PRTG: variants seen among roughly 807,000 people sequenced by gnomAD.
The protein encoded by PRTG is protogenin.
PRTG carries 67 observed loss-of-function variants against 122.5 expected under a neutral mutation model. The observed-to-expected ratio is 0.55, with a 90% confidence interval of 0.45 to 0.67. PRTG has a LOEUF of 0.67. Among genes scored for constraint, PRTG ranks in the 30% least tolerant of loss-of-function variants. The pLI is 0.00. For synonymous variants in PRTG, 554 were observed against 501.1 expected (o/e 1.11, Z -1.41); for missense variants, 1,435 against 1,415.4 (o/e 1.01, Z -0.22).
intron 11 of PRTG, among the ~76,000 whole-genome samples, chr15:55,664,202 C>T (rs1047356735): frequency 1.3e-5 from 2 of 152,164 alleles, no homozygotes; most frequent in African/African-American, 4.8e-5. Context: ...GGTGCAATGG[C>T]GCAATCTCAG....
rs1479433474 is a variant in PRTG, at chr15:55,742,957, C to G, written c.-26G>C. On this transcript the variant is annotated 5_prime_UTR_variant, in exon 1 of 20. Transcript: ENST00000389286. The stretch of plus-strand genomic sequence containing the variant: ...TCAGCGTAGCCGCGCGGGCATGCTC[C>G]CCGGCCGCCCAGAGCCCCTGTCCGT... The G allele has an allele frequency of 1.3e-6, 2 of 1,484,690 alleles. No homozygotes were observed. Among genetic ancestry groups the G allele is most frequent in the East Asian group, 5.8e-5 (2 of 34,458 alleles). 92.0% of individuals were successfully genotyped at this position (1,484,690 alleles called of 1,614,324 possible).
chr15:55,646,255 A>G (rs992249645), intron 11 of PRTG, among the ~76,000 whole-genome samples: 4 of 130,890 alleles, frequency 3.1e-5, no homozygotes, highest in Admixed American at 1.6e-4. Flanking sequence ...CTTGTGATTC[A>G]CCCGCCTTGG....
At chr15:55,662,165 TCTTTCTC>T (rs2059413842) in intron 11 of PRTG, among the ~76,000 whole-genome samples, 1 of 152,246 alleles carries the variant, frequency 6.6e-6, no homozygotes, top group South Asian at 2.1e-4. Flanking sequence ...CTGTCTTTCT[TCTTTCTC>T]CAAAATGATT....
chr15:55,629,036 C>T lies in PRTG; in HGVS notation c.2624-32G>A, dbSNP rs763629432. 3.9e-5 allele frequency: 57 copies of T among 1,456,418 alleles called. No homozygotes were observed. In the Admixed American group the frequency reaches 4.0e-4, roughly 10 times the overall value. The allele number at this position is 1,456,418 out of a possible 1,614,324, so 90.2% of individuals were successfully genotyped here. A position where few individuals can be genotyped will look rare whatever the true frequency, so the allele number is the denominator to read the frequency against. On this transcript the variant is annotated intron_variant, in intron 15 of 19. Transcript: ENST00000389286. Reference sequence around the variant, plus strand: ...ATACATCAATTACAAATTAAGTGAACATTTATCTTTTATTCTTTCACTCAT... The same window carrying T: ...ATACATCAATTACAAATTAAGTGAATATTTATCTTTTATTCTTTCACTCAT...
rs768915299 is a variant in PRTG at position 55,743,081 on chromosome 15, G to A, written c.-150C>T. 26 of 1,289,558 alleles carry A rather than the reference G, an allele frequency of 2.0e-5. No homozygotes were observed. In the East Asian group the frequency reaches 8.1e-4, roughly 40 times the overall value. The allele number at this position is 1,289,558 out of a possible 1,614,324, so 79.9% of individuals were successfully genotyped here. A position where few individuals can be genotyped will look rare whatever the true frequency, so the allele number is the denominator to read the frequency against. ...GCACCGGCGTGGCGAGCGTCTCTGC[G>A]GCGGCGAGGCTGGTGCTCGGACGGC... On this transcript the variant is annotated 5_prime_UTR_variant, in exon 1 of 20. Coordinates refer to ENST00000389286, the MANE Select transcript of PRTG (RefSeq NM_173814.6).
intron 2 of PRTG, among the ~76,000 whole-genome samples, chr15:55,718,586 A>G (rs1218738399): frequency 1.3e-5 from 2 of 151,292 alleles, no homozygotes; most frequent in Non-Finnish European, 2.9e-5. Context: ...GCCCGCCTGC[A>G]CCCACGTGAA....
intron 2 of PRTG, among the ~76,000 whole-genome samples, chr15:55,702,638 A>C (rs945666538): frequency 1.3e-5 from 2 of 152,230 alleles, no homozygotes; most frequent in Admixed American, 1.3e-4. Flanking sequence ...ATAACTAGAA[A>C]TGGATCTATG....
chr15:55,730,649 A>T (rs1412259498), intron 2 of PRTG, among the ~76,000 whole-genome samples: 1 of 151,944 alleles, frequency 6.6e-6, no homozygotes, highest in African/African-American at 2.4e-5. Context: ...AAATACAAAA[A>T]ATCAGCCAGG....
At chr15:55,621,595 C>T (rs745678660) in intron 18 of PRTG, among the ~76,000 whole-genome samples, 5 of 151,870 alleles carry the variant, frequency 3.3e-5, no homozygotes, top group Admixed American at 6.6e-5. Context: ...GGGCCGAGAT[C>T]GCGCCACTGC....
intron 2 of PRTG, among the ~76,000 whole-genome samples, chr15:55,705,043 C>T (rs1022320181): frequency 1.3e-5 from 2 of 152,126 alleles, no homozygotes; most frequent in African/African-American, 4.8e-5. Flanking sequence ...GTTTAATACT[C>T]TGAAAAACCT....
At chr15:55,649,644 G>T (rs944391404) in intron 11 of PRTG, among the ~76,000 whole-genome samples, 1 of 151,950 alleles carries the variant, frequency 6.6e-6, no homozygotes, top group Non-Finnish European at 1.5e-5. Context: ...AATTAGCCAC[G>T]TGTGGTGGTG....
Position 55,638,637 on chromosome 15 carries a change from G to A in PRTG, c.2364C>T (p.Asn788=), listed in dbSNP as rs61729647. The part of the protein sequence containing the change: ...THMLVQGLEP[N]TKYEFAVRLH... ...ATCGAACGGCAAATTCGTATTTGGTGTTTGGTTCTAGACCTTGAACCAACA... is the reference window on the plus strand; with the variant it reads ...ATCGAACGGCAAATTCGTATTTGGTATTTGGTTCTAGACCTTGAACCAACA... The change falls in exon 14 of 20, where the codon AAC becomes AAT. Residue 788 remains asparagine (N), a synonymous_variant. Transcript: ENST00000389286. 7.9e-3 allele frequency: 12,740 copies of A among 1,613,364 alleles called. 812 individuals are homozygous for A. The African/African-American group carries it at 0.15, about 18-fold the overall frequency.
rs1291075123 is a variant in PRTG, at chr15:55,629,367, ATATATATATGTGTGTGTGTG to A, written c.2624-383_2624-364del. 5.2e-3 allele frequency among the ~76,000 whole-genome samples: 676 copies of A among 130,160 alleles called. 5 individuals are homozygous for A. The highest frequency in any genetic ancestry group is 7.3e-3 in the Non-Finnish European group (424 of 58,340). The allele number at this position is 130,160 out of a possible 152,430, so 85.4% of individuals were successfully genotyped here. On this transcript the variant is annotated intron_variant, in intron 15 of 19. Transcript: ENST00000389286. Reference sequence around the variant, plus strand: ...CATTTTTGTTTGGCTTTGTATATATATATATATATGTGTGTGTGTGTGTGTGTGTGTGTGTGTGTGTGTGT... The same window carrying A: ...CATTTTTGTTTGGCTTTGTATATATATGTGTGTGTGTGTGTGTGTGTGTGT...
At chr15:55,721,762 G>C (rs2030835207) in intron 2 of PRTG, among the ~76,000 whole-genome samples, 1 of 152,124 alleles carries the variant, frequency 6.6e-6, no homozygotes, top group Non-Finnish European at 1.5e-5. Flanking sequence ...TCACGGGAGA[G>C]GGAGAAGCAA....
chr15:55,680,001 C>T (rs567688715), intron 6 of PRTG, 53 bp downstream of exon 6: 106 of 1,451,420 alleles, frequency 7.3e-5, no homozygotes, highest in Non-Finnish European at 7.8e-5. Context: ...TGAGATAAAA[C>T]GGCAAATGTT....
intron 1 of PRTG, chr15:55,742,450 G>A (rs1595692221): frequency 4.9e-6 from 1 of 202,714 alleles, no homozygotes. Flanking sequence ...GTGCAGCCGC[G>A]GCGGCCCCGG....
chr15:55,709,355 T>C (rs1258171817), intron 2 of PRTG, among the ~76,000 whole-genome samples: 2 of 146,894 alleles, frequency 1.4e-5, no homozygotes, highest in African/African-American at 4.9e-5. Flanking sequence ...ATATTATATA[T>C]AAAATATATA....
At chr15:55,632,831 G>C (rs1442654016) in intron 15 of PRTG, among the ~76,000 whole-genome samples, 2 of 152,214 alleles carry the variant, frequency 1.3e-5, no homozygotes, top group Non-Finnish European at 2.9e-5. Context: ...AGCTCCAGTG[G>C]AGGTAGGGAC....
At chr15:55,741,829 C>G (rs2031619504) in intron 1 of PRTG, among the ~76,000 whole-genome samples, 1 of 152,232 alleles carries the variant, frequency 6.6e-6, no homozygotes, top group Non-Finnish European at 1.5e-5. Context: ...GTGCGCGGAC[C>G]ACTCCGGAAG....
Sources: allele counts gnomAD v4.1 joint callset (sites outside exome capture counted in the v4.1 genomes callset), GRCh38; gene constraint gnomAD v4.1.1; transcripts MANE v1.5; gene names NCBI Gene and HGNC (gene_info 2026-07-23, HGNC 2026-07-21).